Variants in CASS4 observed in about 807,000 individuals in gnomAD.
The protein encoded by CASS4 is cas scaffolding protein family member 4.
Under a neutral mutation model 54.2 loss-of-function variants are expected in CASS4, and 22 were observed. The observed-to-expected ratio is 0.41, with a 90% CI of 0.29 to 0.58. The LOEUF is 0.58. CASS4 is among the 20% of genes least tolerant of loss of function. CASS4 has a pLI of 0.36. For missense variants in CASS4, 854 were observed against 986.7 expected, an observed-to-expected ratio of 0.87 and a Z score of 1.80; for synonymous variants, 409 against 391.5, an observed-to-expected ratio of 1.04 and a Z score of -0.53.
rs371177644 is a variant in CASS4 at position 56,452,244 on chromosome 20, G to T, written c.1068G>T (p.Thr356=). The T allele has an allele frequency of 6.2e-7, 1 of 1,614,058 alleles. No homozygotes were observed. The highest frequency in any genetic ancestry group is 8.5e-7 in the Non-Finnish European group (1 of 1,180,028). ...ATATTTATGACATCCCTAAAGCAAC[G>T]TCGAGTGTTTCTCAGGCTGGGAAGG... The part of the protein sequence containing the change: ...KPNIYDIPKA[T]SSVSQAGKEL... The change falls in exon 5 of 6, where the codon ACG becomes ACT. Residue 356 remains threonine (T), a synonymous_variant. Coordinates refer to ENST00000679887, the MANE Select transcript of CASS4 (RefSeq NM_020356.4).
intron 1 of CASS4, among the ~76,000 whole-genome samples, chr20:56,428,276 C>A (rs1417526727): frequency 6.6e-6 from 1 of 152,158 alleles, no homozygotes; most frequent in Non-Finnish European, 1.5e-5. Flanking sequence ...GCCCTGACCC[C>A]TGTGACAGGA....
Position 56,437,035 on chromosome 20 carries a change from T to A in CASS4, c.37-129T>A. 1 of 845,432 alleles carries A rather than the reference T, an allele frequency of 1.2e-6. No individual in the cohort carries two copies. The highest frequency in any genetic ancestry group is 1.8e-6 in the Non-Finnish European group (1 of 547,644). 52.4% of individuals were successfully genotyped at this position (845,432 alleles called of 1,614,324 possible). ...ATCAAAGAGCAGGGACAAGAGCCTC[T>A]GGGGTGGAAGAAATGAAATGAAAGG... is the stretch of plus-strand genomic sequence containing the variant. On this transcript the variant is annotated intron_variant, in intron 1 of 5. Coordinates refer to ENST00000679887, the MANE Select transcript of CASS4 (RefSeq NM_020356.4). The surrounding 1 kb of genome is among the most constrained non-coding windows in gnomAD (Gnocchi z 4.7).
rs1245437080 is a variant in CASS4 at position 56,437,635 on chromosome 20, C to T, written c.459+49C>T. The T allele has an allele frequency of 2.7e-6, 4 of 1,462,166 alleles. No individual in the cohort carries two copies. The Admixed American group carries it at 9.4e-5, about 34-fold the overall frequency. The allele number at this position is 1,462,166 out of a possible 1,614,324, so 90.6% of individuals were successfully genotyped here. ...ACATGGGTTGAGGGGTATGGAAACACCCAGAGGCCTAACTACCTCTTGAGG... is the reference window on the plus strand; with the variant it reads ...ACATGGGTTGAGGGGTATGGAAACATCCAGAGGCCTAACTACCTCTTGAGG... On this transcript the variant is annotated intron_variant, in intron 2 of 5. Transcript: ENST00000679887. This position sits in a 1 kb window ranked among gnomAD's most constrained non-coding sequence, Gnocchi z 4.7.
Position 56,437,044 on chromosome 20 carries a change from A to G in CASS4, c.37-120A>G. 1 of 910,470 alleles carries G rather than the reference A, an allele frequency of 1.1e-6. No individual in the cohort carries two copies. Among genetic ancestry groups the G allele is most frequent in the South Asian group, 1.8e-5 (1 of 56,592 alleles). 56.4% of individuals were successfully genotyped at this position (910,470 alleles called of 1,614,324 possible). A position where few individuals can be genotyped will look rare whatever the true frequency, so the allele number is the denominator to read the frequency against. The stretch of plus-strand genomic sequence containing the variant: ...CAGGGACAAGAGCCTCTGGGGTGGA[A>G]GAAATGAAATGAAAGGGCATGATGA... On this transcript the variant is annotated intron_variant, in intron 1 of 5. Transcript: ENST00000679887. The surrounding 1 kb of genome is among the most constrained non-coding windows in gnomAD (Gnocchi z 4.7).
chr20:56,458,821 G>A lies in CASS4; in HGVS notation c.*74G>A. ...CACAACTTGTGCAACTCTGCCCTATGGGAAAAGCCAGCCGGGGCATACACC... is the reference window on the plus strand; with the variant it reads ...CACAACTTGTGCAACTCTGCCCTATAGGAAAAGCCAGCCGGGGCATACACC... On this transcript the variant is annotated 3_prime_UTR_variant, in exon 6 of 6. Coordinates refer to ENST00000679887, the MANE Select transcript of CASS4 (RefSeq NM_020356.4). 2 of 1,414,286 alleles carry A rather than the reference G, an allele frequency of 1.4e-6. No homozygotes were observed. The highest frequency in any genetic ancestry group is 1.9e-6 in the Non-Finnish European group (2 of 1,056,070). 87.6% of individuals were successfully genotyped at this position (1,414,286 alleles called of 1,614,324 possible).
chr20:56,451,153 A>C (rs1980976770), intron 4 of CASS4, among the ~76,000 whole-genome samples: 1 of 152,188 alleles, frequency 6.6e-6, no homozygotes, highest in Non-Finnish European at 1.5e-5. Context: ...AATAGGACTA[A>C]TTACGTGGTT....
At chr20:56,417,840 G>A (rs1224637148) in intron 1 of CASS4, among the ~76,000 whole-genome samples, 1 of 152,200 alleles carries the variant, frequency 6.6e-6, no homozygotes, top group African/African-American at 2.4e-5. Flanking sequence ...CTGTTCTCTT[G>A]ACAATTGTCC....
intron 5 of CASS4, among the ~76,000 whole-genome samples, chr20:56,454,083 A>G (rs1298604454): frequency 2.0e-5 from 3 of 152,136 alleles, no homozygotes; most frequent in Non-Finnish European, 2.9e-5. Context: ...CAGGAGGCTG[A>G]GGCAGGAGAA....
chr20:56,426,668 C>A (rs1378863155), intron 1 of CASS4, among the ~76,000 whole-genome samples: 3 of 152,116 alleles, frequency 2.0e-5, no homozygotes, highest in Non-Finnish European at 2.9e-5. Flanking sequence ...CTCCACCTAG[C>A]CCATGTTCAA....
At chr20:56,418,348 A>G (rs924911996) in intron 1 of CASS4, among the ~76,000 whole-genome samples, 3 of 152,172 alleles carry the variant, frequency 2.0e-5, no homozygotes, top group Admixed American at 1.3e-4. Flanking sequence ...AGAGTAAACC[A>G]AGAGAGAGAG....
At chr20:56,449,287 C>T (rs569161981) in intron 3 of CASS4, among the ~76,000 whole-genome samples, 22 of 151,692 alleles carry the variant, frequency 1.5e-4, no homozygotes, top group Admixed American at 7.2e-4. Flanking sequence ...CCATAAAAAA[C>T]GATGAGTTCA....
Position 56,452,900 on chromosome 20 carries a change from G to A in CASS4, c.1724G>A (p.Arg575Lys). The A allele has an allele frequency of 6.2e-7, 1 of 1,614,060 alleles. No individual in the cohort carries two copies. Among genetic ancestry groups the A allele is most frequent in the Non-Finnish European group, 8.5e-7 (1 of 1,180,024 alleles). ...CGGATGCTTCCAGAAGACATCAAGA[G>A]GTTTGCCTCCATTGTCATTGCCAAT... ...VARMLPEDIK[R>K]FASIVIANGR... The change falls in exon 5 of 6, where the codon AGG becomes AAG. Residue 575 changes from arginine (R) to lysine (K), a missense_variant. By Grantham distance (26) the Arg-to-Lys change is conservative. Coordinates refer to ENST00000679887, the MANE Select transcript of CASS4 (RefSeq NM_020356.4).
intron 2 of CASS4, among the ~76,000 whole-genome samples, chr20:56,442,384 G>GA (rs1980502504): frequency 1.3e-5 from 2 of 151,678 alleles, no homozygotes. Context: ...GATGAAGTAC[G>GA]ACTTCCATCA....
Position 56,438,629 on chromosome 20 carries a change from C to G in CASS4, c.459+1043C>G, listed in dbSNP as rs561747883. On this transcript the variant is annotated intron_variant, in intron 2 of 5. Transcript: ENST00000679887. ...ATCCCAGCACTTTGGGAGGCGGAGG[C>G]GGGCAGATCACAAGGTCAGGAGTTC... Among the ~76,000 whole-genome samples, 3 of 152,082 alleles carry G rather than the reference C, an allele frequency of 2.0e-5. No homozygotes were observed. In the South Asian group the frequency reaches 6.2e-4, roughly 32 times the overall value.
upstream of CASS4, chr20:56,412,133 C>A: frequency 2.9e-6 from 1 of 344,544 alleles, no homozygotes; most frequent in East Asian, 7.9e-5. The surrounding 1 kb of genome is among the most constrained non-coding windows in gnomAD (Gnocchi z 4.2). Flanking sequence ...TTTTTTTCTT[C>A]TTCTTCTTCT....
intron 1 of CASS4, among the ~76,000 whole-genome samples, chr20:56,413,182 A>G (rs1978963887): frequency 6.6e-6 from 1 of 151,486 alleles, no homozygotes; most frequent in African/African-American, 2.4e-5. Context: ...AAAAAAAAAA[A>G]AAGAAAAGAA....
At position 56,437,230 on chromosome 20, in the gene CASS4, G is replaced by T; in HGVS notation, c.103G>T (p.Gly35Trp). 6.2e-7 allele frequency: 1 copy of T among 1,611,324 alleles called. No individual in the cohort carries two copies. The highest frequency in any genetic ancestry group is 8.5e-7 in the Non-Finnish European group (1 of 1,178,300). Residue 35 changes from glycine (G) to tryptophan (W), a missense_variant, in exon 2 of 6, where the codon GGG (glycine) becomes TGG (tryptophan). By Grantham distance (184) the Gly-to-Trp change is radical. Transcript: ENST00000679887. The surrounding 1 kb of genome is among the most constrained non-coding windows in gnomAD (Gnocchi z 4.7). ...CTCTGACGAGCTGGCTTTCAGCAGA[G>T]GGGACATCCTGACCATTCTGGAGCA... Reference protein sequence around the residue: ...DCSDELAFSRGDILTILEQHV... With the variant: ...DCSDELAFSRWDILTILEQHV...
In CASS4 at chr20:56,452,944, C is replaced by T. The variant is rs199513148; in HGVS notation, c.1768C>T (p.Arg590Trp). The T allele has an allele frequency of 1.4e-5, 22 of 1,613,834 alleles. No individual in the cohort carries two copies. The East Asian group carries it at 3.8e-4, about 28-fold the overall frequency. Residue 590 changes from arginine to tryptophan, a missense_variant, in exon 5 of 6, where the codon CGG (arginine) becomes TGG (tryptophan). By Grantham distance (101) the Arg-to-Trp change is moderately radical. Coordinates refer to ENST00000679887, the MANE Select transcript of CASS4 (RefSeq NM_020356.4). ...VIANGRLLFK[R>W]NCEKEETVQL... ...TGCCAATGGAAGGCTCCTTTTTAAG[C>T]GGAACTGTGAAAAGGAAGAGACTGT...
intron 1 of CASS4, among the ~76,000 whole-genome samples, chr20:56,413,475 C>G (rs895690849): frequency 2.0e-5 from 3 of 151,798 alleles, no homozygotes; most frequent in African/African-American, 7.3e-5. Flanking sequence ...GAGTTTGAGA[C>G]CAGCCTGATC....
Sources: allele counts gnomAD v4.1 joint callset (sites outside exome capture counted in the v4.1 genomes callset), GRCh38; gene constraint gnomAD v4.1.1; non-coding constraint Gnocchi (gnomAD v3.1); transcripts MANE v1.5; gene names NCBI Gene and HGNC (gene_info 2026-07-23, HGNC 2026-07-21).